Variants in SPEN observed in about 807,000 individuals in gnomAD.
SPEN encodes spen family transcriptional repressor.
A neutral mutation model predicts 269.9 loss-of-function variants in SPEN; 18 were observed. That is an observed-to-expected ratio of 0.07 (90% confidence interval 0.05 to 0.10). The LOEUF (loss-of-function observed/expected upper bound fraction) is 0.10, where lower values mean the gene tolerates loss of function less well. Among genes scored for constraint, SPEN ranks in the 10% least tolerant of loss-of-function variants. The pLI is 1.00. For synonymous variants in SPEN, 1,726 were observed against 1,765.7 expected, an observed-to-expected ratio of 0.98 and a Z score of 0.56; for missense variants, 3,822 against 4,631.2, an observed-to-expected ratio of 0.83 and a Z score of 5.07.
At chr1:15,853,911 C>T (rs962644552) in intron 1 of SPEN, among the ~76,000 whole-genome samples, 13 of 151,744 alleles carry the variant, frequency 8.6e-5, no homozygotes, top group Admixed American at 2.0e-4. Context: ...GTGATTTGTG[C>T]GCCTCGGCCT....
At chr1:15,878,708 T>C (rs572412787) in intron 3 of SPEN, among the ~76,000 whole-genome samples, 52 of 152,242 alleles carry the variant, frequency 3.4e-4, no homozygotes, top group Admixed American at 7.9e-4. Context: ...TCAAAACTTA[T>C]TGAAAAGGTG....
At chr1:15,922,388 A>G (rs2071127880) in intron 10 of SPEN, 39 bp downstream of exon 10, 2 of 1,382,752 alleles carry the variant, frequency 1.4e-6, no homozygotes, top group East Asian at 4.6e-5. Flanking sequence ...TTGAGTTTTA[A>G]TAGTTTTAAT....
At chr1:15,855,024 CATTTT>C (rs902200627) in intron 1 of SPEN, among the ~76,000 whole-genome samples, 1 of 152,112 alleles carries the variant, frequency 6.6e-6, no homozygotes. Flanking sequence ...CTTATGATTT[CATTTT>C]GAGTATAGAA....
intron 9 of SPEN, among the ~76,000 whole-genome samples, chr1:15,921,662 C>T (rs1041735706): frequency 6.6e-6 from 1 of 152,160 alleles, no homozygotes; most frequent in Non-Finnish European, 1.5e-5. Context: ...TCTTTCCTTT[C>T]CTACTCTCCT....
At chr1:15,910,017 G>C (rs1021655766) in intron 4 of SPEN, among the ~76,000 whole-genome samples, 2 of 151,176 alleles carry the variant, frequency 1.3e-5, no homozygotes, top group African/African-American at 4.9e-5. Flanking sequence ...CCAGCTACTC[G>C]GGAGGCTGAG....
In SPEN at chr1:15,930,176, T is replaced by C. The variant is rs200718082; in HGVS notation, c.3936T>C (p.Tyr1312=). 4 of 1,614,184 alleles carry C rather than the reference T, an allele frequency of 2.5e-6. No homozygotes were observed. Among genetic ancestry groups the C allele is most frequent in the South Asian group, 2.2e-5 (2 of 91,072 alleles). ...AAGAGTCTTTAAAATTTAATCCTTA[T>C]GATTCTAGCAGGAGAGAACAGATGG... ...VREESLKFNP[Y]DSSRREQMAD... is the part of the protein sequence containing the mutation. Residue 1312 remains tyrosine, a synonymous_variant, in exon 11 of 15, where the codon TAT becomes TAC. Coordinates refer to ENST00000375759, the MANE Select transcript of SPEN (RefSeq NM_015001.3). The surrounding 1 kb of genome is among the most constrained non-coding windows in gnomAD (Gnocchi z 5.3).
At chr1:15,904,305 C>T (rs2070930989) in intron 3 of SPEN, among the ~76,000 whole-genome samples, 1 of 151,924 alleles carries the variant, frequency 6.6e-6, no homozygotes, top group Non-Finnish European at 1.5e-5. Flanking sequence ...TGGTGAAACC[C>T]TGTCTCTACT....
rs1335859707 is a variant in SPEN, at chr1:15,909,297, TTTG to T, written c.882-14_882-12del. 20 of 1,589,282 alleles carry T rather than the reference TTTG, an allele frequency of 1.3e-5. No homozygotes were observed. The East Asian group carries it at 1.8e-4, about 14-fold the overall frequency. ...TTTTCTGTTTGTCTTTTCACTAAAG[TTTG>T]TTGTTGTTGCCTTTTTGCAGCAGTG... On this transcript the variant is annotated intron_variant, in intron 3 of 14. Coordinates refer to ENST00000375759, the MANE Select transcript of SPEN (RefSeq NM_015001.3).
chr1:15,864,979 A>G (rs1014060214), intron 1 of SPEN, among the ~76,000 whole-genome samples: 9 of 151,956 alleles, frequency 5.9e-5, no homozygotes, highest in Admixed American at 2.0e-4. Flanking sequence ...GGGATTATAG[A>G]TGTTAGCCAT....
At chr1:15,874,453 T>A (rs2070611924) in intron 2 of SPEN, 1 of 1,241,996 alleles carries the variant, frequency 8.1e-7, no homozygotes, top group Admixed American at 2.7e-5. Flanking sequence ...TCAAACTCTC[T>A]TTTTTTCCCC....
At chr1:15,863,474 A>G (rs67210023) in intron 1 of SPEN, among the ~76,000 whole-genome samples, 10,749 of 152,208 alleles carry the variant, frequency 0.071, 436 homozygotes, top group Non-Finnish European at 0.082. Context: ...TATTGGTTGA[A>G]TTAAGCTTAT....
In SPEN at chr1:15,939,570, C is replaced by T. The variant is rs1459932229; in HGVS notation, c.*143C>T. On this transcript the variant is annotated 3_prime_UTR_variant, in exon 15 of 15. Coordinates refer to ENST00000375759, the MANE Select transcript of SPEN (RefSeq NM_015001.3). This position sits in a 1 kb window ranked among gnomAD's most constrained non-coding sequence, Gnocchi z 4.1. The stretch of plus-strand genomic sequence containing the variant: ...GCCAGCCGTTTGCTGTCCTGCCGCC[C>T]GGCTCAGTCGGCCAGACTTCCTCTA... 22 of 998,708 alleles carry T rather than the reference C, an allele frequency of 2.2e-5. No homozygotes were observed. Among genetic ancestry groups the T allele is most frequent in the Middle Eastern group, 2.3e-4 (1 of 4,430 alleles). 61.9% of individuals were successfully genotyped at this position (998,708 alleles called of 1,614,324 possible).
At position 15,934,287 on chromosome 1, in the gene SPEN, G is replaced by A. The variant is rs1451746161; in HGVS notation, c.8047G>A (p.Val2683Met). ...CTCAGTGACCACACTGAAAAGTTTG[G>A]TGAGCACCCCTGCTGGGCCCGTGAA... The part of the protein sequence containing the change: ...KGSVTTLKSL[V>M]STPAGPVNVL... Residue 2683 changes from valine to methionine, a missense_variant, in exon 11 of 15, where the codon GTG (valine) becomes ATG (methionine). Coordinates refer to ENST00000375759, the MANE Select transcript of SPEN (RefSeq NM_015001.3). This position sits in a 1 kb window ranked among gnomAD's most constrained non-coding sequence, Gnocchi z 9.2. 2 of 1,614,080 alleles carry A rather than the reference G, an allele frequency of 1.2e-6. No individual in the cohort carries two copies. The highest frequency in any genetic ancestry group is 2.7e-5 in the African/African-American group (2 of 74,936).
intron 3 of SPEN, among the ~76,000 whole-genome samples, chr1:15,904,342 C>T (rs971797736): frequency 4.7e-5 from 7 of 150,308 alleles, no homozygotes; most frequent in East Asian, 2.0e-4. Context: ...CTGGGCCTGG[C>T]GGCCAACAAA....
At chr1:15,858,775 CA>C (rs1216626661) in intron 1 of SPEN, among the ~76,000 whole-genome samples, 1 of 151,804 alleles carries the variant, frequency 6.6e-6, no homozygotes, top group Non-Finnish European at 1.5e-5. Context: ...GCTGTAAAAA[CA>C]AAAACAAACA....
chr1:15,875,786 G>A (rs935016515), intron 2 of SPEN, among the ~76,000 whole-genome samples: 1 of 152,168 alleles, frequency 6.6e-6, no homozygotes, highest in Non-Finnish European at 1.5e-5. Flanking sequence ...GCATGGAAAT[G>A]TGGCCTAAAA....
chr1:15,865,486 G>T (rs557379358), intron 1 of SPEN, among the ~76,000 whole-genome samples: 5 of 148,104 alleles, frequency 3.4e-5, no homozygotes, highest in African/African-American at 1.3e-4. Flanking sequence ...GCAGTGTCTG[G>T]ATCTCAGCTC....
intron 5 of SPEN, among the ~76,000 whole-genome samples, chr1:15,914,990 T>C (rs2071044800): frequency 6.6e-6 from 1 of 152,192 alleles, no homozygotes; most frequent in Admixed American, 6.5e-5. Flanking sequence ...TGTGTTAGTA[T>C]GAGAGGGGCG....
At chr1:15,873,287 A>G (rs1473887851) in intron 2 of SPEN, 151 bp downstream of exon 2, 21 of 1,392,500 alleles carry the variant, frequency 1.5e-5, no homozygotes, top group Non-Finnish European at 2.0e-5. Flanking sequence ...TTATATCCCA[A>G]TGGCTGGTAT....
Sources: allele counts gnomAD v4.1 joint callset (sites outside exome capture counted in the v4.1 genomes callset), GRCh38; gene constraint gnomAD v4.1.1; non-coding constraint Gnocchi (gnomAD v3.1); transcripts MANE v1.5; gene names NCBI Gene and HGNC (gene_info 2026-07-23, HGNC 2026-07-21).